Variants in QRICH1 observed in about 807,000 individuals in gnomAD.
The protein encoded by QRICH1 is transcriptional regulator QRICH1.
A neutral mutation model predicts 87.1 loss-of-function variants in QRICH1; 16 were observed. The ratio of observed to expected loss-of-function variants is 0.18; its 90% CI spans 0.12 to 0.28. The LOEUF (loss-of-function observed/expected upper bound fraction) is 0.28, where lower values mean the gene tolerates loss of function less well. QRICH1 is among the 10% of genes least tolerant of loss of function. The pLI is 1.00. For synonymous variants in QRICH1, 367 were observed against 368.4 expected, an observed-to-expected ratio of 1.00 and a Z score of 0.05; for missense variants, 647 against 951.7, an observed-to-expected ratio of 0.68 and a Z score of 4.21.
chr3:49,052,044 G>A (rs1285492246), intron 3 of QRICH1, among the ~76,000 whole-genome samples: 2 of 152,172 alleles, frequency 1.3e-5, no homozygotes, highest in Non-Finnish European at 2.9e-5. Context: ...GCTAGGAAGT[G>A]ACATAATCTT....
At chr3:49,077,600 C>T (rs1028428330) in intron 1 of QRICH1, among the ~76,000 whole-genome samples, 1 of 152,194 alleles carries the variant, frequency 6.6e-6, no homozygotes, top group Non-Finnish European at 1.5e-5. Context: ...TTTTGCAACA[C>T]AGCTTACTAC....
Position 49,057,591 on chromosome 3 carries a change from C to G in QRICH1, c.609G>C (p.Gln203His). 2 of 1,613,802 alleles carry G rather than the reference C, an allele frequency of 1.2e-6. No individual in the cohort carries two copies. Among genetic ancestry groups the G allele is most frequent in the Non-Finnish European group, 1.7e-6 (2 of 1,179,752 alleles). The change falls in exon 3 of 10, where the codon CAG becomes CAC. Residue 203 changes from glutamine to histidine, a missense_variant. Gln to His is a conservative substitution (Grantham distance 24). This residue lies in a region of QRICH1 where 156 missense variants were observed against 164.5 expected (regional missense o/e 0.95). Coordinates refer to ENST00000395443, the MANE Select transcript of QRICH1 (RefSeq NM_198880.3). The surrounding 1 kb of genome is among the most constrained non-coding windows in gnomAD (Gnocchi z 5.4). ...QQIQAQLVAG[Q>H]SLAGGQQIQI... ...GGATCTGCTGACCACCAGCAAGAGA[C>G]TGGCCAGCCACCAGCTGAGCCTGGA...
At chr3:49,055,972 C>T (rs2093399859) in intron 3 of QRICH1, among the ~76,000 whole-genome samples, 1 of 151,798 alleles carries the variant, frequency 6.6e-6, no homozygotes, top group African/African-American at 2.4e-5. Flanking sequence ...AGCCACCGTG[C>T]CTGGCCCCTA....
At chr3:49,042,076 G>GTT (rs76500911) in intron 6 of QRICH1, among the ~76,000 whole-genome samples, 10 of 70,852 alleles carry the variant, frequency 1.4e-4, no homozygotes, top group Non-Finnish European at 1.4e-4. Context: ...CCCAGACTGT[G>GTT]TTTTTTTTTT....
At chr3:49,051,428 G>A (rs917565262) in intron 3 of QRICH1, among the ~76,000 whole-genome samples, 1 of 151,876 alleles carries the variant, frequency 6.6e-6, no homozygotes, top group Non-Finnish European at 1.5e-5. Context: ...TCTCTGCCAG[G>A]CCCTTACGTG....
chr3:49,080,331 A>G (rs1196286064), intron 1 of QRICH1, among the ~76,000 whole-genome samples: 5 of 152,146 alleles, frequency 3.3e-5, no homozygotes, highest in African/African-American at 9.7e-5. Flanking sequence ...TATAAAAAGC[A>G]ATTTTTTTTT....
intron 6 of QRICH1, among the ~76,000 whole-genome samples, chr3:49,038,435 C>CT (rs2093289016): frequency 6.6e-6 from 1 of 151,722 alleles, no homozygotes; most frequent in Non-Finnish European, 1.5e-5. Flanking sequence ...TTTTTTGAGA[C>CT]TGAGTCTTGC....
chr3:49,031,813 A>G (rs996486496), intron 9 of QRICH1, among the ~76,000 whole-genome samples: 2 of 152,196 alleles, frequency 1.3e-5, no homozygotes, highest in South Asian at 4.1e-4. Context: ...AAACCATTGA[A>G]GGGGCAAAAG....
intron 7 of QRICH1, 88 bp from the exon 8 acceptor site, chr3:49,032,861 C>T: frequency 2.1e-6 from 3 of 1,431,998 alleles, no homozygotes; most frequent in African/African-American, 1.4e-5. Flanking sequence ...TTCAGAGGAG[C>T]CACTGCCCAC....
intron 6 of QRICH1, among the ~76,000 whole-genome samples, chr3:49,043,929 C>T (rs551411595): frequency 6.6e-6 from 1 of 152,302 alleles, no homozygotes; most frequent in Admixed American, 6.5e-5. Context: ...CGCTTGAGTT[C>T]AGGAGTTTGA....
In QRICH1 at chr3:49,033,119, C is replaced by G; in HGVS notation, c.1895+1G>C. On this transcript the variant is annotated splice_donor_variant, in intron 7 of 9. Coordinates refer to ENST00000395443, the MANE Select transcript of QRICH1 (RefSeq NM_198880.3). LOFTEE classifies it high-confidence loss of function. ...AGCAGTGGAGCCTCTAGAACACTTA[C>G]TTGGTATTAAAGAACATGAGGGTGG... The G allele has an allele frequency of 6.5e-7, 1 of 1,530,872 alleles. No individual in the cohort carries two copies. The highest frequency in any genetic ancestry group is 2.4e-5 in the East Asian group (1 of 41,344). 94.8% of individuals were successfully genotyped at this position (1,530,872 alleles called of 1,614,324 possible).
chr3:49,064,435 T>C (rs2093454816), intron 2 of QRICH1, among the ~76,000 whole-genome samples: 1 of 151,866 alleles, frequency 6.6e-6, no homozygotes, highest in Non-Finnish European at 1.5e-5. Flanking sequence ...GTATTTTTAG[T>C]AGAGATGGGG....
At chr3:49,063,526 T>C (rs1290462050) in intron 2 of QRICH1, among the ~76,000 whole-genome samples, 4 of 152,132 alleles carry the variant, frequency 2.6e-5, no homozygotes, top group African/African-American at 9.7e-5. Context: ...ATCGTGGTCA[T>C]GCCTGTAATC....
In QRICH1 at chr3:49,030,186, C is replaced by G. The variant is rs573291575; in HGVS notation, c.*266G>C. The G allele has an allele frequency of 5.5e-4, 282 of 509,034 alleles. 4 individuals are homozygous for G. The South Asian group carries it at 8.0e-3, about 14-fold the overall frequency. The allele number at this position is 509,034 out of a possible 1,614,324, so 31.5% of individuals were successfully genotyped here. On this transcript the variant is annotated 3_prime_UTR_variant, in exon 10 of 10. Transcript: ENST00000395443. ...CCAAGCCCTTTCCCCAGGCCCCAGACAAAAAAGAGTCAGCCAGCAACTTTC... is the reference window on the plus strand; with the variant it reads ...CCAAGCCCTTTCCCCAGGCCCCAGAGAAAAAAGAGTCAGCCAGCAACTTTC...
intron 6 of QRICH1, among the ~76,000 whole-genome samples, chr3:49,042,991 G>A (rs1180443521): frequency 2.0e-5 from 3 of 151,972 alleles, no homozygotes; most frequent in African/African-American, 4.8e-5. Flanking sequence ...AAACCAGAAC[G>A]TACAACACAA....
chr3:49,064,159 A>G (rs541627685), intron 2 of QRICH1, among the ~76,000 whole-genome samples: 10 of 151,168 alleles, frequency 6.6e-5, no homozygotes, highest in South Asian at 2.1e-4. Context: ...TCAAACTCCC[A>G]ACCTCAGGTG....
rs986298284 is a variant in QRICH1, at chr3:49,029,901, T to C, written c.*551A>G. 1.2e-5 allele frequency: 2 copies of C among 170,202 alleles called. No homozygotes were observed. Among genetic ancestry groups the C allele is most frequent in the Non-Finnish European group, 2.6e-5 (2 of 78,306 alleles). The allele number at this position is 170,202 out of a possible 1,614,324, so 10.5% of individuals were successfully genotyped here. ...GCATGGTAAAGTTTTTACTTTTACATCTAAAATGTCACTTGTCATAAAGGA... is the reference window on the plus strand; with the variant it reads ...GCATGGTAAAGTTTTTACTTTTACACCTAAAATGTCACTTGTCATAAAGGA... On this transcript the variant is annotated 3_prime_UTR_variant, in exon 10 of 10. Coordinates refer to ENST00000395443, the MANE Select transcript of QRICH1 (RefSeq NM_198880.3).
chr3:49,046,314 G>A, intron 5 of QRICH1, 111 bp downstream of exon 5: 1 of 1,157,712 alleles, frequency 8.6e-7, no homozygotes, highest in Non-Finnish European at 1.2e-6. Flanking sequence ...CTGTATACCT[G>A]AAAGAGAACT....
intron 3 of QRICH1, among the ~76,000 whole-genome samples, chr3:49,053,125 G>A (rs1227462693): frequency 6.6e-6 from 1 of 152,084 alleles, no homozygotes; most frequent in Non-Finnish European, 1.5e-5. Context: ...GCACCGGTAA[G>A]CCTCCTGGGA....
Sources: allele counts gnomAD v4.1 joint callset (sites outside exome capture counted in the v4.1 genomes callset), GRCh38; gene constraint gnomAD v4.1.1; regional missense constraint gnomAD v4.1.1; non-coding constraint Gnocchi (gnomAD v3.1); transcripts MANE v1.5; gene names NCBI Gene and HGNC (gene_info 2026-07-23, HGNC 2026-07-21).